Variants in WDR86 observed in about 807,000 individuals in gnomAD.
WDR86 encodes WD repeat-containing protein 86.
WDR86 carries 30 observed loss-of-function variants against 36.5 expected under a neutral mutation model. The ratio of observed to expected loss-of-function variants is 0.82; its 90% CI spans 0.61 to 1.11. The LOEUF (loss-of-function observed/expected upper bound fraction) is 1.11. Among genes scored for constraint, WDR86 ranks in the 50% most tolerant of loss-of-function variants. The pLI, the probability that WDR86 is intolerant of heterozygous loss-of-function variation, is 0.00. For missense variants in WDR86, 545 were observed against 561.2 expected, an observed-to-expected ratio of 0.97 and a Z score of 0.29; for synonymous variants, 255 against 252.9, an observed-to-expected ratio of 1.01 and a Z score of -0.08.
chr7:151,376,724 C>T, downstream of WDR86: 4 of 1,606,590 alleles, frequency 2.5e-6, no homozygotes, highest in Non-Finnish European at 3.4e-6. Flanking sequence ...GACCCTTGCT[C>T]ACAACGGAGG....
Position 151,401,598 on chromosome 7 carries a change from G to A in WDR86, c.164-1357C>T, listed in dbSNP as rs1800295013. ...TTCGCTATTTTCCTTACACTGGGGAGAGATACTGTGGTAGGCAGAATGACG... is the reference window on the plus strand; with the variant it reads ...TTCGCTATTTTCCTTACACTGGGGAAAGATACTGTGGTAGGCAGAATGACG... On this transcript the variant is annotated intron_variant, in intron 1 of 5. Coordinates refer to ENST00000334493, the MANE Select transcript of WDR86 (RefSeq NM_198285.3). This position sits in a 1 kb window ranked among gnomAD's most constrained non-coding sequence, Gnocchi z 4.3. Among the ~76,000 whole-genome samples, 1 of 152,216 alleles carries A rather than the reference G, an allele frequency of 6.6e-6. No homozygotes were observed. The highest frequency in any genetic ancestry group is 1.5e-5 in the Non-Finnish European group (1 of 68,044).
intron 3 of WDR86, among the ~76,000 whole-genome samples, chr7:151,392,667 G>C (rs998042372): frequency 6.6e-6 from 1 of 152,258 alleles, no homozygotes; most frequent in African/African-American, 2.4e-5. Flanking sequence ...CTGAGGCTCC[G>C]GGGCCACCGG....
chr7:151,373,239 G>A (rs1798042145), downstream of WDR86, among the ~76,000 whole-genome samples: 1 of 152,208 alleles, frequency 6.6e-6, no homozygotes, highest in Non-Finnish European at 1.5e-5. Context: ...TAACTTTGTT[G>A]AAAGCTTTCT....
intron 1 of WDR86, among the ~76,000 whole-genome samples, chr7:151,408,199 C>CT (rs1029293163): frequency 0.027 from 3,157 of 115,990 alleles, 167 homozygotes; most frequent in African/African-American, 0.1. Flanking sequence ...CTTTTCTTTT[C>CT]TTTTTTTTTT....
At chr7:151,382,994 T>A (rs917006915) in intron 4 of WDR86, among the ~76,000 whole-genome samples, 29 of 150,472 alleles carry the variant, frequency 1.9e-4, no homozygotes, top group Non-Finnish European at 3.4e-4. Context: ...TTTTTTTTTT[T>A]CTTACAGGGA....
chr7:151,407,315 A>G (rs1800776283), intron 1 of WDR86, among the ~76,000 whole-genome samples: 1 of 152,218 alleles, frequency 6.6e-6, no homozygotes, highest in Admixed American at 6.5e-5. Context: ...CAGGTGCCAG[A>G]CACAGAGCTG....
chr7:151,395,173 C>T (rs1020301443), intron 3 of WDR86, among the ~76,000 whole-genome samples: 2 of 152,208 alleles, frequency 1.3e-5, no homozygotes, highest in African/African-American at 2.4e-5. Flanking sequence ...CAGTCCCCAA[C>T]CCATGAGGAC....
chr7:151,396,731 G>A (rs1233841749), intron 2 of WDR86, among the ~76,000 whole-genome samples: 1 of 152,218 alleles, frequency 6.6e-6, no homozygotes, highest in African/African-American at 2.4e-5. Context: ...AAGCTGGAGA[G>A]CACTGGGAAC....
downstream of WDR86, chr7:151,374,147 C>T (rs754174937): frequency 2.3e-5 from 37 of 1,575,520 alleles, no homozygotes; most frequent in South Asian, 2.1e-4. Flanking sequence ...GACGCCGCCT[C>T]GAGAACATCA....
chr7:151,398,295 T>TTG (rs201183830), intron 2 of WDR86, among the ~76,000 whole-genome samples: 9 of 152,190 alleles, frequency 5.9e-5, no homozygotes, highest in African/African-American at 2.2e-4. Context: ...CATATGTATG[T>TTG]TGTGTGTATG....
At position 151,385,146 on chromosome 7, in the gene WDR86, C is replaced by G; in HGVS notation, c.804G>C (p.Val268=). ...TGCGTCTGTGGGCCGTGAACGTGCG[C>G]ACACACTCCCCTGTGTCTGCCAGCC... ...KCWLADTGEC[V]RTFTAHRRNV... is the part of the protein sequence containing the mutation. Residue 268 remains valine, a synonymous_variant, in exon 4 of 6, where the codon GTG becomes GTC. Transcript: ENST00000334493. 6.2e-7 allele frequency: 1 copy of G among 1,612,978 alleles called. No homozygotes were observed. Among genetic ancestry groups the G allele is most frequent in the Non-Finnish European group, 8.5e-7 (1 of 1,179,868 alleles).
chr7:151,400,068 G>A lies in WDR86; in HGVS notation c.305+32C>T, dbSNP rs370906962. The A allele has an allele frequency of 4.6e-6, 7 of 1,517,464 alleles. No individual in the cohort carries two copies. In the East Asian group the frequency reaches 7.4e-5, roughly 16 times the overall value. 94.0% of individuals were successfully genotyped at this position (1,517,464 alleles called of 1,614,324 possible). ...GCCCCACCAGAAGCCTATGTATGGT[G>A]AGACTCAGCCCAAGCCCCCAGCCAG... On this transcript the variant is annotated intron_variant, in intron 2 of 5. Coordinates refer to ENST00000334493, the MANE Select transcript of WDR86 (RefSeq NM_198285.3).
At chr7:151,370,229 G>T in the WDR86 span, among the ~76,000 whole-genome samples, 1 of 152,024 alleles carries the variant, frequency 6.6e-6, no homozygotes, top group Non-Finnish European at 1.5e-5. Context: ...TGGAATTACA[G>T]GTGCCCACCA....
chr7:151,399,369 C>T (rs1165052758), intron 2 of WDR86, among the ~76,000 whole-genome samples: 1 of 152,164 alleles, frequency 6.6e-6, no homozygotes, highest in Non-Finnish European at 1.5e-5. Context: ...CTGGTCTGCG[C>T]CCCCAGCCCC....
At chr7:151,396,351 C>T (rs868058683) in intron 2 of WDR86, among the ~76,000 whole-genome samples, 155 bp from the exon 3 acceptor site, 2 of 152,216 alleles carry the variant, frequency 1.3e-5, no homozygotes, top group Admixed American at 6.5e-5. Flanking sequence ...CAGCTCAAAT[C>T]GCCCCCACCT....
intron 3 of WDR86, among the ~76,000 whole-genome samples, chr7:151,392,480 G>A (rs563264376): frequency 3.9e-5 from 6 of 152,294 alleles, no homozygotes; most frequent in African/African-American, 1.4e-4. Flanking sequence ...CCCATGTGGA[G>A]AGCATGTAAC....
chr7:151,383,182 G>GGC (rs1554417250), intron 4 of WDR86, among the ~76,000 whole-genome samples: 1 of 150,574 alleles, frequency 6.6e-6, no homozygotes, highest in Non-Finnish European at 1.5e-5. Flanking sequence ...GCGGGGTGGG[G>GGC]GGGGGGAGCT....
chr7:151,392,890 C>T (rs915225062), intron 3 of WDR86, among the ~76,000 whole-genome samples: 1 of 152,166 alleles, frequency 6.6e-6, no homozygotes. Flanking sequence ...CAGCCCTGCC[C>T]GTCTCCAGAG....
downstream of WDR86, chr7:151,377,353 G>C: frequency 5.0e-6 from 3 of 598,000 alleles, no homozygotes; most frequent in Non-Finnish European, 5.5e-6. Flanking sequence ...GAGGGGGTGG[G>C]CAGGGGACAA....
Sources: gnomAD v4.1 joint callset for allele counts (sites outside exome capture counted in the v4.1 genomes callset) on GRCh38, gnomAD v4.1.1 for gene constraint, Gnocchi (gnomAD v3.1) non-coding constraint, MANE v1.5 for transcripts, NCBI Gene and HGNC (gene_info 2026-07-23, HGNC 2026-07-21) for gene names.